The following SOX5 variants were observed in gnomAD, a reference collection of about 807,000 sequenced individuals.
The protein encoded by SOX5 is SRY-box transcription factor 5, also known as transcription factor SOX-5.
Under a neutral mutation model 92.0 loss-of-function variants are expected in SOX5, and 9 were observed. The observed-to-expected ratio is 0.10, with a 90% CI of 0.06 to 0.17. The LOEUF is 0.17. SOX5 is among the 10% of genes least tolerant of loss of function. The pLI is 1.00. For missense variants in SOX5, 642 were observed against 944.5 expected, an observed-to-expected ratio of 0.68 and a Z score of 4.20; for synonymous variants, 344 against 336.3, an observed-to-expected ratio of 1.02 and a Z score of -0.25.
chr12:23,783,409 T>TA (rs1193037294), intron 3 of SOX5, among the ~76,000 whole-genome samples: 1 of 152,192 alleles, frequency 6.6e-6, no homozygotes, highest in Non-Finnish European at 1.5e-5. Flanking sequence ...GATAATCAAA[T>TA]GATAATTTTG....
chr12:23,533,215 C>T lies in SOX5; in HGVS notation c.*1004G>A, dbSNP rs898074406. ...GTGGGTTTAACTCACAATGGTCCAA[C>T]GTTATTCCTATTATTAGTACCATAA... is the stretch of plus-strand genomic sequence containing the variant. On this transcript the variant is annotated 3_prime_UTR_variant, in exon 15 of 15. Coordinates refer to ENST00000451604, the MANE Select transcript of SOX5 (RefSeq NM_006940.6). 4 of 455,860 alleles carry T rather than the reference C, an allele frequency of 8.8e-6. No homozygotes were observed. Among genetic ancestry groups the T allele is most frequent in the African/African-American group, 4.0e-5 (2 of 50,044 alleles). 28.2% of individuals were successfully genotyped at this position (455,860 alleles called of 1,614,324 possible). A position where few individuals can be genotyped will look rare whatever the true frequency, so the allele number is the denominator to read the frequency against.
chr12:24,364,946 C>A (rs545014477), intron 2 of SOX5, among the ~76,000 whole-genome samples: 1 of 151,924 alleles, frequency 6.6e-6, no homozygotes, highest in Non-Finnish European at 1.5e-5. Flanking sequence ...ACACAATGGC[C>A]TTTGTATAAC....
chr12:23,960,469 T>A (rs1213310277), intron 4 of SOX5, among the ~76,000 whole-genome samples: 1 of 135,588 alleles, frequency 7.4e-6, no homozygotes, highest in Non-Finnish European at 1.6e-5. Context: ...CCATGTTTTA[T>A]ATATATATGT....
chr12:23,730,404 A>T (rs1006575386), intron 6 of SOX5, among the ~76,000 whole-genome samples: 2 of 152,198 alleles, frequency 1.3e-5, no homozygotes, highest in African/African-American at 2.4e-5. Context: ...AAAATAAGAC[A>T]AACTTCTTAG....
intron 6 of SOX5, among the ~76,000 whole-genome samples, chr12:23,724,324 A>G (rs2092996246): frequency 6.6e-6 from 1 of 152,154 alleles, no homozygotes; most frequent in Non-Finnish European, 1.5e-5. Flanking sequence ...TATCATCTAT[A>G]AAATGGATAT....
At chr12:23,546,193 T>C in intron 12 of SOX5, 123 bp downstream of exon 12, 2 of 631,750 alleles carry the variant, frequency 3.2e-6, no homozygotes, top group Non-Finnish European at 5.6e-6. Context: ...TCAGTATATG[T>C]GACCTCTTAT....
At chr12:23,978,727 T>C (rs2136130174) in intron 4 of SOX5, among the ~76,000 whole-genome samples, 1 of 152,312 alleles carries the variant, frequency 6.6e-6, no homozygotes, top group Non-Finnish European at 1.5e-5. Flanking sequence ...TGTCATTCGT[T>C]TGTCTGAAAC....
intron 1 of SOX5, among the ~76,000 whole-genome samples, chr12:24,485,478 C>T (rs1946422548): frequency 1.3e-5 from 2 of 152,154 alleles, no homozygotes; most frequent in South Asian, 2.1e-4. Flanking sequence ...GAAAATGACT[C>T]GACCAGAAAG....
chr12:24,419,500 T>C (rs1965578790), intron 1 of SOX5, among the ~76,000 whole-genome samples: 1 of 152,184 alleles, frequency 6.6e-6, no homozygotes, highest in Non-Finnish European at 1.5e-5. Context: ...AGATGAAGTC[T>C]AGACTCAAAA....
intron 4 of SOX5, among the ~76,000 whole-genome samples, chr12:24,079,280 C>T (rs1164515592): frequency 1.3e-5 from 2 of 151,578 alleles, no homozygotes; most frequent in East Asian, 1.9e-4. Flanking sequence ...AAATGACTTG[C>T]CCAAGATAAG....
rs1404431788 is a variant in SOX5, at chr12:23,901,474, A to AT, written c.39-5451dup. Among the ~76,000 whole-genome samples the AT allele has an allele frequency of 2.6e-5, 4 of 152,188 alleles. No homozygotes were observed. In the South Asian group the frequency reaches 8.3e-4, roughly 31 times the overall value. On this transcript the variant is annotated intron_variant, in intron 1 of 14. Coordinates refer to ENST00000451604, the MANE Select transcript of SOX5 (RefSeq NM_006940.6). Reference sequence around the variant, plus strand: ...TAAGCACTTTGTTTTCATAGTTGATATTTTAGTCAGTCTGGAATCCTCCTA... The same window carrying AT: ...TAAGCACTTTGTTTTCATAGTTGATATTTTTAGTCAGTCTGGAATCCTCCTA...
At chr12:24,144,539 C>T (rs1950885028) in intron 4 of SOX5, among the ~76,000 whole-genome samples, 1 of 152,138 alleles carries the variant, frequency 6.6e-6, no homozygotes, top group South Asian at 2.1e-4. Context: ...AGTACAGCAG[C>T]TCACATCTCT....
chr12:23,750,022 T>C (rs890071999), intron 4 of SOX5, among the ~76,000 whole-genome samples: 2 of 151,800 alleles, frequency 1.3e-5, no homozygotes, highest in African/African-American at 2.4e-5. Flanking sequence ...ATGCAAATTA[T>C]AGAAGTTCTT....
chr12:24,451,504 G>A (rs938316265), intron 1 of SOX5, among the ~76,000 whole-genome samples: 9 of 152,118 alleles, frequency 5.9e-5, no homozygotes, highest in African/African-American at 2.2e-4. Flanking sequence ...ACTAGGGTGA[G>A]ATAATATCTC....
chr12:23,781,788 T>A (rs986831687), intron 3 of SOX5, among the ~76,000 whole-genome samples: 1 of 152,070 alleles, frequency 6.6e-6, no homozygotes, highest in African/African-American at 2.4e-5. Context: ...GCTTTTTCTT[T>A]ATTCCTAAAT....
intron 4 of SOX5, among the ~76,000 whole-genome samples, chr12:23,753,217 C>T (rs2094238133): frequency 6.6e-6 from 1 of 151,690 alleles, no homozygotes; most frequent in African/African-American, 2.4e-5. Flanking sequence ...CCCTTCCAAG[C>T]TATGATTGTA....
At chr12:24,075,862 T>G (rs1011440097) in intron 4 of SOX5, among the ~76,000 whole-genome samples, 1 of 152,070 alleles carries the variant, frequency 6.6e-6, no homozygotes, top group Non-Finnish European at 1.5e-5. Flanking sequence ...GCAAAGGAAA[T>G]GCTCAGAATG....
chr12:23,771,187 C>CAAAAAAA (rs376988688), intron 3 of SOX5, among the ~76,000 whole-genome samples: 1 of 108,610 alleles, frequency 9.2e-6, no homozygotes, highest in Non-Finnish European at 1.8e-5. Flanking sequence ...AAAAATGGAG[C>CAAAAAAA]AAAAAAAAAA....
intron 1 of SOX5, among the ~76,000 whole-genome samples, chr12:24,379,011 T>C (rs1374467390): frequency 6.6e-6 from 1 of 152,166 alleles, no homozygotes; most frequent in Non-Finnish European, 1.5e-5. Flanking sequence ...CTGCAGCCCA[T>C]ACTGTCCTAC....
Sources: gnomAD v4.1 joint callset for allele counts (sites outside exome capture counted in the v4.1 genomes callset) on GRCh38, gnomAD v4.1.1 for gene constraint, MANE v1.5 for transcripts, NCBI Gene and HGNC (gene_info 2026-07-23, HGNC 2026-07-21) for gene names.